The following CRADD variants were observed in gnomAD, a reference collection of about 807,000 sequenced individuals.
The protein encoded by CRADD is CARD and death domain containing adaptor protein.
A neutral mutation model predicts 15.5 loss-of-function variants in CRADD; 9 were observed. That is an observed-to-expected ratio of 0.58 (90% confidence interval 0.35 to 1.01). The LOEUF (loss-of-function observed/expected upper bound fraction) is 1.01, where lower values mean the gene tolerates loss of function less well. CRADD is among the 50% of genes least tolerant of loss of function. The probability of loss-of-function intolerance (pLI) is 0.02; values close to 1 mark genes in which losing one functional copy is unlikely to be tolerated. For synonymous variants in CRADD, 118 were observed against 107.6 expected, an observed-to-expected ratio of 1.10 and a Z score of -0.60; for missense variants, 227 against 250.3, an observed-to-expected ratio of 0.91 and a Z score of 0.63.
intron 2 of CRADD, among the ~76,000 whole-genome samples, chr12:93,783,228 G>GTGTTATTAT (rs1445138777): frequency 2.9e-5 from 4 of 139,378 alleles, no homozygotes; most frequent in African/African-American, 1.1e-4. Flanking sequence ...ACAGGTATAG[G>GTGTTATTAT]TATTATTATT....
intron 2 of CRADD, among the ~76,000 whole-genome samples, chr12:93,679,834 C>T (rs959602392): frequency 1.3e-5 from 2 of 152,194 alleles, no homozygotes; most frequent in Non-Finnish European, 2.9e-5. Context: ...GAGGAGGAGA[C>T]AGCCTCTAGG....
intron 2 of CRADD, among the ~76,000 whole-genome samples, chr12:93,699,604 C>A (rs143660625): frequency 6.6e-6 from 1 of 152,200 alleles, no homozygotes; most frequent in African/African-American, 2.4e-5. Flanking sequence ...GTTTTCACCT[C>A]CTTTGAAGGA....
chr12:93,778,057 A>ATG (rs1201572735), intron 2 of CRADD, among the ~76,000 whole-genome samples: 2 of 152,208 alleles, frequency 1.3e-5, no homozygotes, highest in African/African-American at 4.8e-5. Flanking sequence ...AAGACAGTCC[A>ATG]TGTGTGGTTC....
At chr12:93,800,320 A>C (rs770688793) in intron 2 of CRADD, among the ~76,000 whole-genome samples, 1 of 152,126 alleles carries the variant, frequency 6.6e-6, no homozygotes, top group Non-Finnish European at 1.5e-5. Context: ...CAGCTCAAGA[A>C]GAGAGAAAAT....
intron 2 of CRADD, among the ~76,000 whole-genome samples, chr12:93,790,985 T>C (rs892633920): frequency 6.6e-6 from 1 of 150,452 alleles, no homozygotes; most frequent in African/African-American, 2.5e-5. Context: ...ACCCCCCGAC[T>C]TCCTGCCTTT....
At chr12:93,818,518 G>T (rs777984912) in intron 2 of CRADD, among the ~76,000 whole-genome samples, 1 of 152,166 alleles carries the variant, frequency 6.6e-6, no homozygotes, top group African/African-American at 2.4e-5. Flanking sequence ...CTTCCTAGAC[G>T]GGTTTTGTCT....
At chr12:93,678,702 A>AGTGACACTGCATGTTGAT in intron 1 of CRADD, 67 bp from the exon 2 acceptor site, 8 of 1,518,978 alleles carry the variant, frequency 5.3e-6, no homozygotes, top group Non-Finnish European at 7.1e-6. Flanking sequence ...CTTACATTGC[A>AGTGACACTGCATGTTGAT]GTGACACTGT....
At chr12:93,730,145 G>A (rs2136908947) in intron 2 of CRADD, among the ~76,000 whole-genome samples, 1 of 152,264 alleles carries the variant, frequency 6.6e-6, no homozygotes, top group East Asian at 1.9e-4. Context: ...TGAGACAGGT[G>A]CAATTATTTA....
intron 2 of CRADD, among the ~76,000 whole-genome samples, chr12:93,795,791 G>A (rs556900139): frequency 4.6e-5 from 7 of 152,088 alleles, no homozygotes; most frequent in Non-Finnish European, 8.8e-5. Context: ...TTTATATAAC[G>A]AAAAGCTATA....
Position 93,679,087 on chromosome 12 carries a change from G to T in CRADD, c.298+15G>T. 6.2e-7 allele frequency: 1 copy of T among 1,601,238 alleles called. No individual in the cohort carries two copies. The highest frequency in any genetic ancestry group is 1.1e-5 in the South Asian group (1 of 90,150). On this transcript the variant is annotated intron_variant, in intron 2 of 2. Transcript: ENST00000332896. ...CCTGCCTGCAGGTAGGCCTCAGAAA[G>T]ATCACTTTGAACCAGCTCCAAAATG...
At chr12:93,724,827 C>A (rs77968935) in intron 2 of CRADD, among the ~76,000 whole-genome samples, 3,103 of 151,804 alleles carry the variant, frequency 0.02, 80 homozygotes, top group East Asian at 0.091. Flanking sequence ...TGACATATAT[C>A]TGTAAAGAAC....
intron 2 of CRADD, among the ~76,000 whole-genome samples, chr12:93,698,250 C>G (rs1955757796): frequency 6.6e-6 from 1 of 150,602 alleles, no homozygotes; most frequent in South Asian, 2.1e-4. Flanking sequence ...CAGAAGCCCA[C>G]TCTTTGCTAA....
chr12:93,863,523 A>T (rs1169649824), intron 2 of CRADD, among the ~76,000 whole-genome samples: 1 of 151,612 alleles, frequency 6.6e-6, no homozygotes, highest in Non-Finnish European at 1.5e-5. Flanking sequence ...GTTTAGCAAT[A>T]GTTCCCAGTC....
intron 2 of CRADD, among the ~76,000 whole-genome samples, chr12:93,814,601 C>T (rs1357580618): frequency 3.3e-5 from 5 of 152,206 alleles, no homozygotes; most frequent in East Asian, 1.9e-4. Context: ...GCTGCTGTGA[C>T]GTCCTACAAA....
intron 2 of CRADD, chr12:93,815,611 T>C (rs934047788): frequency 6.6e-6 from 1 of 152,250 alleles, no homozygotes; most frequent in East Asian, 1.9e-4. Context: ...ATGTTTGTTA[T>C]AAAAAGTGTG....
chr12:93,879,051 A>G (rs1958477499), intron 2 of CRADD, among the ~76,000 whole-genome samples: 2 of 151,836 alleles, frequency 1.3e-5, no homozygotes, highest in Middle Eastern at 3.2e-3. Flanking sequence ...TATATTCTTT[A>G]TCTTTTTTCC....
intron 2 of CRADD, among the ~76,000 whole-genome samples, chr12:93,721,514 T>G (rs1190546100): frequency 6.6e-6 from 1 of 151,904 alleles, no homozygotes; most frequent in African/African-American, 2.4e-5. Context: ...CTCCATGGAG[T>G]CAACCAACTG....
chr12:93,828,781 T>C (rs2137027260), intron 2 of CRADD, among the ~76,000 whole-genome samples: 1 of 152,360 alleles, frequency 6.6e-6, no homozygotes, highest in Non-Finnish European at 1.5e-5. Context: ...AGCTGCATTC[T>C]TTTTCAAAAT....
intron 2 of CRADD, among the ~76,000 whole-genome samples, chr12:93,749,693 T>C (rs1003492727): frequency 3.3e-5 from 5 of 152,218 alleles, no homozygotes; most frequent in Non-Finnish European, 5.9e-5. Flanking sequence ...TCTCCTGTTA[T>C]CTGTTTTTTG....
Sources: gnomAD v4.1 joint callset for allele counts (sites outside exome capture counted in the v4.1 genomes callset) on GRCh38, gnomAD v4.1.1 for gene constraint, MANE v1.5 for transcripts, NCBI Gene and HGNC (gene_info 2026-07-23, HGNC 2026-07-21) for gene names.